The following AFG1L variants were observed in gnomAD, a reference collection of about 807,000 sequenced individuals.
AFG1L encodes AFG1 like ATPase.
AFG1L carries 53 observed loss-of-function variants against 62.2 expected under a neutral mutation model. The ratio of observed to expected loss-of-function variants is 0.85; its 90% confidence interval spans 0.68 to 1.07. The LOEUF (loss-of-function observed/expected upper bound fraction) is 1.07, where lower values mean the gene tolerates loss of function less well. Ranked by LOEUF, AFG1L falls within the 50% of genes least tolerant of loss-of-function variation. AFG1L has a pLI of 0.00. For synonymous variants in AFG1L, 228 were observed against 210.3 expected, an observed-to-expected ratio of 1.08 and a Z score of -0.73; for missense variants, 555 against 590.5, an observed-to-expected ratio of 0.94 and a Z score of 0.62.
At chr6:108,499,765 C>T (rs1167079727) in intron 10 of AFG1L, among the ~76,000 whole-genome samples, 2 of 151,434 alleles carry the variant, frequency 1.3e-5, no homozygotes, top group Non-Finnish European at 2.9e-5. Context: ...CCCATCACCC[C>T]CAAAAAAACC....
At chr6:108,489,011 T>G (rs1463608885) in intron 10 of AFG1L, among the ~76,000 whole-genome samples, 1 of 152,072 alleles carries the variant, frequency 6.6e-6, no homozygotes, top group Non-Finnish European at 1.5e-5. Context: ...ATCTGAAAAA[T>G]AACTATCCAG....
chr6:108,314,239 GA>G (rs1185415469), intron 1 of AFG1L, among the ~76,000 whole-genome samples: 3 of 149,450 alleles, frequency 2.0e-5, no homozygotes, highest in South Asian at 2.1e-4. Flanking sequence ...CTCAAAAAAA[GA>G]AAAAAAAAGA....
At chr6:108,484,491 G>A (rs555444841) in intron 10 of AFG1L, among the ~76,000 whole-genome samples, 28 of 152,294 alleles carry the variant, frequency 1.8e-4, no homozygotes, top group Non-Finnish European at 4.1e-4. Context: ...TAGTCTTGGT[G>A]TTGCCAGGCA....
At chr6:108,311,527 T>G (rs1777410783) in intron 1 of AFG1L, among the ~76,000 whole-genome samples, 1 of 152,162 alleles carries the variant, frequency 6.6e-6, no homozygotes, top group African/African-American at 2.4e-5. Flanking sequence ...TTGTTTTGTT[T>G]TTGTTTTTCT....
At chr6:108,455,318 C>T (rs1290146584) in intron 8 of AFG1L, among the ~76,000 whole-genome samples, 1 of 152,128 alleles carries the variant, frequency 6.6e-6, no homozygotes, top group African/African-American at 2.4e-5. Flanking sequence ...TAGAACTATT[C>T]TCTTCACATG....
chr6:108,296,708 C>T (rs1477587722), intron 1 of AFG1L, among the ~76,000 whole-genome samples: 1 of 152,016 alleles, frequency 6.6e-6, no homozygotes, highest in Non-Finnish European at 1.5e-5. Context: ...ATAGAACTGC[C>T]TCGTGTTTTA....
chr6:108,383,799 T>C (rs1780645037), intron 6 of AFG1L, among the ~76,000 whole-genome samples: 1 of 152,016 alleles, frequency 6.6e-6, no homozygotes, highest in African/African-American at 2.4e-5. Context: ...GAAAATCTTT[T>C]CTACAAAAGT....
chr6:108,379,802 G>A (rs1299356321), intron 6 of AFG1L, among the ~76,000 whole-genome samples: 2 of 152,234 alleles, frequency 1.3e-5, no homozygotes, highest in African/African-American at 4.8e-5. Flanking sequence ...AGCAGAGAGG[G>A]TCTTGCTGCA....
At chr6:108,512,433 A>G (rs1774691408) in intron 11 of AFG1L, among the ~76,000 whole-genome samples, 1 of 152,096 alleles carries the variant, frequency 6.6e-6, no homozygotes, top group Non-Finnish European at 1.5e-5. Flanking sequence ...TGGGGGATGG[A>G]GGCCCATCAG....
At chr6:108,333,465 A>T (rs1778355963) in intron 2 of AFG1L, among the ~76,000 whole-genome samples, 1 of 148,212 alleles carries the variant, frequency 6.7e-6, no homozygotes, top group African/African-American at 2.5e-5. Flanking sequence ...AACCCTGACC[A>T]GGTGCAATGG....
chr6:108,322,211 A>T (rs1777838260), intron 1 of AFG1L, among the ~76,000 whole-genome samples: 1 of 152,148 alleles, frequency 6.6e-6, no homozygotes, highest in Admixed American at 6.5e-5. Context: ...CCTGGCCGGA[A>T]GTTTATTATT....
intron 2 of AFG1L, among the ~76,000 whole-genome samples, chr6:108,328,002 GA>G (rs1778120661): frequency 6.6e-6 from 1 of 152,192 alleles, no homozygotes. Flanking sequence ...CACCATGAGT[GA>G]CCAGTCCAGC....
intron 6 of AFG1L, among the ~76,000 whole-genome samples, chr6:108,399,187 T>G (rs1488656879): frequency 4.8e-5 from 6 of 124,440 alleles, no homozygotes; most frequent in South Asian, 2.9e-4. Context: ...TGTTTTTTTT[T>G]TTTTTTTTTT....
At position 108,439,178 on chromosome 6, in the gene AFG1L, T is replaced by G. The variant is rs1213376530; in HGVS notation, c.808-8036T>G. ...GCAGAGGACTTCTCAATTTATCAAC[T>G]TGAAAAATTACGTCTATGATCGAGA... On this transcript the variant is annotated intron_variant, in intron 7 of 12. Transcript: ENST00000368977. Among the ~76,000 whole-genome samples, 4 of 152,206 alleles carry G rather than the reference T, an allele frequency of 2.6e-5. No individual in the cohort carries two copies. The East Asian group carries it at 7.7e-4, about 29-fold the overall frequency.
intron 1 of AFG1L, among the ~76,000 whole-genome samples, chr6:108,296,533 T>C (rs960388391): frequency 6.6e-6 from 1 of 152,198 alleles, no homozygotes; most frequent in Admixed American, 6.5e-5. Flanking sequence ...TGTGTATGTA[T>C]AAGCATATAC....
At chr6:108,466,903 T>C (rs1772695486) in intron 8 of AFG1L, among the ~76,000 whole-genome samples, 1 of 151,862 alleles carries the variant, frequency 6.6e-6, no homozygotes, top group Non-Finnish European at 1.5e-5. Context: ...ATTGTGATAT[T>C]TTTATGCAAT....
intron 7 of AFG1L, among the ~76,000 whole-genome samples, chr6:108,424,164 A>C (rs1770717261): frequency 6.6e-6 from 1 of 152,036 alleles, no homozygotes; most frequent in Non-Finnish European, 1.5e-5. Flanking sequence ...TGGCTCTGTC[A>C]CTGACTTTGC....
intron 6 of AFG1L, among the ~76,000 whole-genome samples, chr6:108,396,892 C>G (rs867104056): frequency 5.3e-5 from 8 of 152,176 alleles, no homozygotes; most frequent in Admixed American, 4.6e-4. Context: ...ATACCATCCT[C>G]TCAAGCACGT....
intron 1 of AFG1L, chr6:108,295,734 T>G (rs983013688): frequency 2.6e-5 from 4 of 152,636 alleles, no homozygotes; most frequent in African/African-American, 9.7e-5. Flanking sequence ...TGGAATTATT[T>G]TGTCACCGGG....
Sources: gnomAD v4.1 joint callset for allele counts (sites outside exome capture counted in the v4.1 genomes callset) on GRCh38, gnomAD v4.1.1 for gene constraint, MANE v1.5 for transcripts, NCBI Gene and HGNC (gene_info 2026-07-23, HGNC 2026-07-21) for gene names.